The following UBA6 variants were observed in gnomAD, a reference collection of about 807,000 sequenced individuals.
UBA6 encodes the protein ubiquitin-like modifier-activating enzyme 6.
Under a neutral mutation model 148.3 loss-of-function variants are expected in UBA6, and 87 were observed. That is an observed-to-expected ratio of 0.59 (90% CI 0.49 to 0.70). The LOEUF (loss-of-function observed/expected upper bound fraction) is 0.70. Ranked by LOEUF, UBA6 falls within the 30% of genes least tolerant of loss-of-function variation. The probability of loss-of-function intolerance (pLI) is 0.00; values close to 1 mark genes in which losing one functional copy is unlikely to be tolerated. For missense variants in UBA6, 1,186 were observed against 1,241.2 expected, an observed-to-expected ratio of 0.96 and a Z score of 0.67; for synonymous variants, 376 against 401.0, an observed-to-expected ratio of 0.94 and a Z score of 0.75.
intron 18 of UBA6, among the ~76,000 whole-genome samples, chr4:67,640,310 C>T (rs1214668243): frequency 3.9e-5 from 6 of 152,156 alleles, no homozygotes; most frequent in Middle Eastern, 3.2e-3. Context: ...TAGTTCACAA[C>T]GGACCCTGTT....
At chr4:67,657,826 C>CAAAAAAAAAAAAAAAAAAAA (rs57984969) in intron 13 of UBA6, among the ~76,000 whole-genome samples, 1 of 115,156 alleles carries the variant, frequency 8.7e-6, no homozygotes, top group African/African-American at 3.4e-5. Context: ...AACAAATTTA[C>CAAAAAAAAAAAAAAAAAAAA]AAAAAAAAAA....
In UBA6 at chr4:67,649,059, A is replaced by C. The variant is rs751029598; in HGVS notation, c.1248+9T>G. The C allele has an allele frequency of 1.2e-5, 20 of 1,607,950 alleles. No individual in the cohort carries two copies. Among genetic ancestry groups the C allele is most frequent in the Non-Finnish European group, 6.8e-6 (8 of 1,178,056 alleles). ...GTAAAGAATTCAACTTTAAAAACTC[A>C]GAACTAACCCACTGGCACAAAGGAG... On this transcript the variant is annotated intron_variant, in intron 14 of 32. Coordinates refer to ENST00000322244, the MANE Select transcript of UBA6 (RefSeq NM_018227.6).
rs868041210 is a variant in UBA6 at position 67,701,091 on chromosome 4, T to G, written c.29A>C (p.His10Pro). The change falls in exon 1 of 33, where the codon CAT becomes CCT. Residue 10 changes from histidine to proline, a missense_variant. Coordinates refer to ENST00000322244, the MANE Select transcript of UBA6 (RefSeq NM_018227.6). ...AGAACAGGACGCCTCTTCCCCCTGA[T>G]GGGCGGCCACAGGCTCGGATCCTTC... MEGSEPVAA[H>P]QGEEASCSSW... 1 of 1,612,698 alleles carries G rather than the reference T, an allele frequency of 6.2e-7. No individual in the cohort carries two copies. Among genetic ancestry groups the G allele is most frequent in the East Asian group, 2.2e-5 (1 of 44,724 alleles).
intron 17 of UBA6, among the ~76,000 whole-genome samples, chr4:67,644,357 A>G (rs1343684828): frequency 6.6e-6 from 1 of 152,128 alleles, no homozygotes; most frequent in Non-Finnish European, 1.5e-5. Context: ...AACAATAAAC[A>G]CTATCTAACA....
intron 7 of UBA6, among the ~76,000 whole-genome samples, chr4:67,672,332 T>C (rs1159104132): frequency 6.6e-6 from 1 of 152,172 alleles, no homozygotes; most frequent in Admixed American, 6.5e-5. Flanking sequence ...ACACATCATA[T>C]AGACTCTGGA....
intron 8 of UBA6, among the ~76,000 whole-genome samples, chr4:67,670,223 C>T (rs528355644): frequency 2.0e-5 from 3 of 152,254 alleles, no homozygotes; most frequent in South Asian, 2.1e-4. Flanking sequence ...GGATTGTAGG[C>T]GTGAGCCACC....
In UBA6 at chr4:67,649,276, A is replaced by G. The variant is rs148380080; in HGVS notation, c.1105-65T>C. 273 of 1,414,528 alleles carry G rather than the reference A, an allele frequency of 1.9e-4. No individual in the cohort carries two copies. The African/African-American group carries it at 3.3e-3, about 17-fold the overall frequency. 87.6% of individuals were successfully genotyped at this position (1,414,528 alleles called of 1,614,324 possible). On this transcript the variant is annotated intron_variant, in intron 13 of 32. Coordinates refer to ENST00000322244, the MANE Select transcript of UBA6 (RefSeq NM_018227.6). ...TTTACACAGTACACTTAAAATTCCAATGACTAAATGTGAGAATTAGAACTT... is the reference window on the plus strand; with the variant it reads ...TTTACACAGTACACTTAAAATTCCAGTGACTAAATGTGAGAATTAGAACTT...
At chr4:67,641,583 T>A (rs1295703932) in intron 17 of UBA6, among the ~76,000 whole-genome samples, 1 of 152,146 alleles carries the variant, frequency 6.6e-6, no homozygotes, top group Non-Finnish European at 1.5e-5. Flanking sequence ...TTATTCTTAA[T>A]CTCAACTAAT....
chr4:67,693,341 T>C (rs1455598618), intron 2 of UBA6, among the ~76,000 whole-genome samples: 2 of 151,570 alleles, frequency 1.3e-5, no homozygotes, highest in Admixed American at 6.6e-5. Flanking sequence ...TGTATATATA[T>C]ATATACAGTA....
chr4:67,670,536 A>C lies in UBA6; in HGVS notation c.603T>G (p.Asp201Glu), dbSNP rs1417200358. Residue 201 changes from aspartate to glutamate, a missense_variant, in exon 8 of 33, where the codon GAT (aspartate) becomes GAG (glutamate). Transcript: ENST00000322244. ...IWSRLFCDFG[D>E]EFEVLDTTGE... ...CTGTTGTATCTAAAACTTCAAATTC[A>C]TCACCGAAATCACAAAATAACCTTG... 4.4e-6 allele frequency: 7 copies of C among 1,607,894 alleles called. No individual in the cohort carries two copies. Among genetic ancestry groups the C allele is most frequent in the Non-Finnish European group, 5.1e-6 (6 of 1,174,618 alleles).
intron 27 of UBA6, among the ~76,000 whole-genome samples, chr4:67,628,059 C>T (rs1437105989): frequency 6.6e-6 from 1 of 150,748 alleles, no homozygotes; most frequent in Non-Finnish European, 1.5e-5. Context: ...GAGAAAAGAT[C>T]ATTACCCTTT....
chr4:67,655,589 A>C (rs1729666537), intron 13 of UBA6, among the ~76,000 whole-genome samples: 1 of 152,262 alleles, frequency 6.6e-6, no homozygotes, highest in Non-Finnish European at 1.5e-5. Flanking sequence ...AGAAAGCAGG[A>C]AAGATCTAAA....
chr4:67,636,275 G>C (rs953920199), intron 19 of UBA6, among the ~76,000 whole-genome samples: 1 of 152,154 alleles, frequency 6.6e-6, no homozygotes, highest in Non-Finnish European at 1.5e-5. Context: ...TGCCATGAAG[G>C]AAAAAGTACA....
chr4:67,681,630 G>A lies in UBA6; in HGVS notation c.230-39C>T, dbSNP rs74384913. On this transcript the variant is annotated intron_variant, in intron 3 of 32. Transcript: ENST00000322244. Reference sequence around the variant, plus strand: ...AGAAAAAGGAATAGCTCAATATTGGGAATACACACTAGATATGTCTTCACA... The same window carrying A: ...AGAAAAAGGAATAGCTCAATATTGGAAATACACACTAGATATGTCTTCACA... 2,986 of 1,455,878 alleles carry A rather than the reference G, an allele frequency of 2.1e-3. 41 individuals are homozygous for A. In the African/African-American group the frequency reaches 0.035, roughly 17 times the overall value. The allele number at this position is 1,455,878 out of a possible 1,614,324, so 90.2% of individuals were successfully genotyped here.
At chr4:67,689,835 C>T (rs1046827563) in intron 2 of UBA6, among the ~76,000 whole-genome samples, 1 of 152,124 alleles carries the variant, frequency 6.6e-6, no homozygotes, top group Non-Finnish European at 1.5e-5. Flanking sequence ...CCACTGTCTT[C>T]CCTAATCATT....
intron 7 of UBA6, among the ~76,000 whole-genome samples, chr4:67,673,341 G>C (rs1730195086): frequency 6.6e-6 from 1 of 151,116 alleles, no homozygotes; most frequent in Non-Finnish European, 1.5e-5. Flanking sequence ...GCTTGAACCC[G>C]GGAGGCGGAG....
At chr4:67,645,874 AAT>A in intron 16 of UBA6, 62 bp downstream of exon 16, 2 of 1,020,282 alleles carry the variant, frequency 2.0e-6, no homozygotes, top group South Asian at 3.2e-5. Flanking sequence ...AATTTGTTTT[AAT>A]GAATTAAGTT....
At chr4:67,633,275 A>T in intron 23 of UBA6, 70 bp downstream of exon 23, 1 of 1,352,708 alleles carries the variant, frequency 7.4e-7, no homozygotes, top group Non-Finnish European at 9.8e-7. Flanking sequence ...CAGGTCAATG[A>T]AATTAATTTG....
rs1467384209 is a variant in UBA6, at chr4:67,674,283, G to C, written c.466-506C>G. Among the ~76,000 whole-genome samples, 70 of 152,138 alleles carry C rather than the reference G, an allele frequency of 4.6e-4. 1 individual carries two copies. The highest frequency in any genetic ancestry group is 4.6e-3 in the Admixed American group (70 of 15,284). On this transcript the variant is annotated intron_variant, in intron 6 of 32. Coordinates refer to ENST00000322244, the MANE Select transcript of UBA6 (RefSeq NM_018227.6). ...GAGACATTCCTCCATGGGCCTCTCA[G>C]TCTATACAGTCTCACAAGGTATGCC...
Sources: allele counts gnomAD v4.1 joint callset (sites outside exome capture counted in the v4.1 genomes callset), GRCh38; gene constraint gnomAD v4.1.1; transcripts MANE v1.5; gene names NCBI Gene and HGNC (gene_info 2026-07-23, HGNC 2026-07-21).